LRRC4C: variants seen among roughly 807,000 people sequenced by gnomAD.
LRRC4C encodes the protein leucine-rich repeat-containing protein 4C.
LRRC4C carries 5 observed loss-of-function variants against 33.6 expected under a neutral mutation model. The observed-to-expected ratio is 0.15, with a 90% CI of 0.08 to 0.31. LRRC4C has a LOEUF of 0.31. LRRC4C is among the 10% of genes least tolerant of loss of function. The pLI, the probability that LRRC4C is intolerant of heterozygous loss-of-function variation, is 1.00. For synonymous variants in LRRC4C, 329 were observed against 302.0 expected, an observed-to-expected ratio of 1.09 and a Z score of -0.93; for missense variants, 560 against 796.7, an observed-to-expected ratio of 0.70 and a Z score of 3.58.
chr11:40,879,315 C>T (rs148140066), intron 2 of LRRC4C, among the ~76,000 whole-genome samples: 3 of 152,248 alleles, frequency 2.0e-5, no homozygotes, highest in African/African-American at 4.8e-5. Context: ...TAATTCTTAA[C>T]GAAACAGTTT....
intron 2 of LRRC4C, among the ~76,000 whole-genome samples, chr11:40,809,792 G>A (rs1365341193): frequency 6.6e-6 from 1 of 152,110 alleles, no homozygotes. Flanking sequence ...CTCAGTAAAT[G>A]GTGGTTGTTA....
intron 3 of LRRC4C, among the ~76,000 whole-genome samples, chr11:40,620,587 G>T (rs746008531): frequency 6.6e-6 from 1 of 151,692 alleles, no homozygotes; most frequent in Non-Finnish European, 1.5e-5. Flanking sequence ...GAAATAATAC[G>T]TTAAAGCTAC....
chr11:40,858,816 G>T (rs1052332213), intron 2 of LRRC4C, among the ~76,000 whole-genome samples: 5 of 151,304 alleles, frequency 3.3e-5, no homozygotes, highest in Non-Finnish European at 7.4e-5. Context: ...AGCCTTACTA[G>T]TGACAAGTTT....
chr11:40,344,777 C>G (rs762750248), intron 3 of LRRC4C, among the ~76,000 whole-genome samples: 7 of 152,066 alleles, frequency 4.6e-5, no homozygotes, highest in Non-Finnish European at 8.8e-5. Context: ...CCCAAAAGCT[C>G]CTTGATCTGA....
intron 1 of LRRC4C, among the ~76,000 whole-genome samples, chr11:41,086,250 G>T (rs1939979916): frequency 6.6e-6 from 1 of 152,006 alleles, no homozygotes; most frequent in Non-Finnish European, 1.5e-5. Flanking sequence ...TAAAAATCAA[G>T]GCTATTTGCT....
intron 1 of LRRC4C, among the ~76,000 whole-genome samples, chr11:41,347,328 T>C (rs566678595): frequency 1.3e-5 from 2 of 152,208 alleles, no homozygotes; most frequent in Non-Finnish European, 2.9e-5. Context: ...ATTTGCTAAG[T>C]TAATACAGGC....
At chr11:40,362,739 A>G (rs1441974354) in intron 3 of LRRC4C, among the ~76,000 whole-genome samples, 1 of 152,066 alleles carries the variant, frequency 6.6e-6, no homozygotes, top group Non-Finnish European at 1.5e-5. Context: ...CAATCAATCA[A>G]TAAATCGTGA....
chr11:40,864,040 A>G (rs555077125), intron 2 of LRRC4C, among the ~76,000 whole-genome samples: 1 of 151,960 alleles, frequency 6.6e-6, no homozygotes. Flanking sequence ...TGCATGTGAT[A>G]AACATTTACT....
intron 1 of LRRC4C, among the ~76,000 whole-genome samples, chr11:41,161,131 A>G (rs367881481): frequency 6.6e-5 from 10 of 152,294 alleles, no homozygotes; most frequent in African/African-American, 2.4e-4. Flanking sequence ...AACTACAATC[A>G]AGAAATAGTT....
At chr11:41,390,093 A>C (rs1953529950) in intron 1 of LRRC4C, among the ~76,000 whole-genome samples, 1 of 151,896 alleles carries the variant, frequency 6.6e-6, no homozygotes, top group East Asian at 1.9e-4. Context: ...ATATGAATAA[A>C]ACTGCATAAA....
At chr11:41,155,565 C>T (rs898511444) in intron 1 of LRRC4C, among the ~76,000 whole-genome samples, 1 of 152,110 alleles carries the variant, frequency 6.6e-6, no homozygotes, top group African/African-American at 2.4e-5. Context: ...CAATGATGGA[C>T]TCATCCGTTG....
chr11:40,766,785 C>A lies in LRRC4C; in HGVS notation c.-406-118507G>T, dbSNP rs568381059. 3.7e-3 allele frequency among the ~76,000 whole-genome samples: 511 copies of A among 136,744 alleles called. 2 individuals are homozygous for A. The highest frequency in any genetic ancestry group is 7.9e-3 in the Admixed American group (103 of 13,098). The allele number at this position is 136,744 out of a possible 152,430, so 89.7% of individuals were successfully genotyped here. A position where few individuals can be genotyped will look rare whatever the true frequency, so the allele number is the denominator to read the frequency against. On this transcript the variant is annotated intron_variant, in intron 2 of 6. Coordinates refer to ENST00000528697, the MANE Select transcript of LRRC4C (RefSeq NM_001258419.2). ...AAATAAAAAACCTACAAGAGATACA[C>A]AAAAAATAAAACAAGCAAGAAAGTA...
At chr11:40,140,329 A>T (rs751302895) in intron 6 of LRRC4C, among the ~76,000 whole-genome samples, 1 of 152,168 alleles carries the variant, frequency 6.6e-6, no homozygotes, top group Non-Finnish European at 1.5e-5. Context: ...AAATACGTTT[A>T]TGTGTATGCG....
intron 5 of LRRC4C, among the ~76,000 whole-genome samples, chr11:40,186,076 T>C (rs1405536858): frequency 2.0e-5 from 3 of 152,180 alleles, no homozygotes; most frequent in Non-Finnish European, 4.4e-5. Flanking sequence ...AGAGAGCTTC[T>C]AGGAAGACGG....
At chr11:41,376,147 AAT>A (rs1252013219) in intron 1 of LRRC4C, among the ~76,000 whole-genome samples, 3 of 152,116 alleles carry the variant, frequency 2.0e-5, no homozygotes, top group Non-Finnish European at 4.4e-5. Flanking sequence ...AGAAAAAAAA[AAT>A]AAACTCTAAA....
intron 1 of LRRC4C, among the ~76,000 whole-genome samples, chr11:40,975,890 T>C (rs1187523929): frequency 1.3e-5 from 2 of 152,204 alleles, no homozygotes; most frequent in East Asian, 3.9e-4. Context: ...CAAGTTAATA[T>C]GGCACATACT....
intron 3 of LRRC4C, among the ~76,000 whole-genome samples, chr11:40,579,864 C>A (rs965483412): frequency 1.3e-5 from 2 of 152,158 alleles, no homozygotes; most frequent in African/African-American, 4.8e-5. Context: ...GATCTTCGCT[C>A]ACTTCAATCC....
chr11:41,033,733 A>C (rs1166226673), intron 1 of LRRC4C, among the ~76,000 whole-genome samples: 1 of 152,072 alleles, frequency 6.6e-6, no homozygotes, highest in African/African-American at 2.4e-5. Context: ...CTTATCAATC[A>C]CATTAAAATG....
chr11:40,444,357 TC>T (rs201103674), intron 3 of LRRC4C, among the ~76,000 whole-genome samples: 1 of 149,924 alleles, frequency 6.7e-6, no homozygotes, highest in Non-Finnish European at 1.5e-5. Flanking sequence ...TTTTTATTTT[TC>T]TTTTTTTTTT....
Sources: allele counts gnomAD v4.1 joint callset (sites outside exome capture counted in the v4.1 genomes callset), GRCh38; gene constraint gnomAD v4.1.1; transcripts MANE v1.5; gene names NCBI Gene and HGNC (gene_info 2026-07-23, HGNC 2026-07-21).